Variants in RBM7 observed in about 807,000 individuals in gnomAD.
RBM7 encodes the protein RNA-binding protein 7.
Under a neutral mutation model 31.0 loss-of-function variants are expected in RBM7, and 13 were observed. The observed-to-expected ratio is 0.42, with a 90% CI of 0.27 to 0.67. The LOEUF (loss-of-function observed/expected upper bound fraction) is 0.67. Among genes scored for constraint, RBM7 ranks in the 30% least tolerant of loss-of-function variants. The pLI is 0.24. For missense variants in RBM7, 245 were observed against 326.2 expected (o/e 0.75, Z 1.92); for synonymous variants, 106 against 111.2 (o/e 0.95, Z 0.30).
intron 2 of RBM7, among the ~76,000 whole-genome samples, chr11:114,402,379 ATTCTTTTTTTTTTT>A (rs1946214685): frequency 3.5e-5 from 3 of 85,472 alleles, no homozygotes; most frequent in Non-Finnish European, 4.7e-5. Flanking sequence ...GCAGCTTGAG[ATTCTTTTTTTTTTT>A]TTTTTTTTTT....
intron 3 of RBM7, among the ~76,000 whole-genome samples, chr11:114,404,719 G>T: frequency 6.6e-6 from 1 of 151,060 alleles, no homozygotes; most frequent in Non-Finnish European, 1.5e-5. Flanking sequence ...TAAATACTTT[G>T]GTTTTAATCA....
chr11:114,403,444 A>G (rs1247597845), intron 3 of RBM7, among the ~76,000 whole-genome samples: 1 of 152,174 alleles, frequency 6.6e-6, no homozygotes. Flanking sequence ...CCCATGTGTA[A>G]GGAAAATAAG....
chr11:114,405,016 A>G (rs567564879), intron 3 of RBM7, among the ~76,000 whole-genome samples: 1 of 151,780 alleles, frequency 6.6e-6, no homozygotes, highest in African/African-American at 2.4e-5. Context: ...CTTACCTCCC[A>G]AAACCTCTTT....
chr11:114,400,827 G>A (rs1305753078), intron 1 of RBM7, 60 bp downstream of exon 1: 3 of 1,586,772 alleles, frequency 1.9e-6, no homozygotes, highest in Non-Finnish European at 2.6e-6. Context: ...GGCCTGGCCA[G>A]CGGCCACCCC....
chr11:114,400,777 T>G lies in RBM7; in HGVS notation c.96+10T>G, dbSNP rs776198986. ...CGAGCTTTTCCACCAGGTAAGCGGC[T>G]GGGTTCGGCCCTTTGCCTTTCGTTT... On this transcript the variant is annotated intron_variant, in intron 1 of 4. Coordinates refer to ENST00000375490, the MANE Select transcript of RBM7 (RefSeq NM_001286045.2). 1 of 1,614,208 alleles carries G rather than the reference T, an allele frequency of 6.2e-7. No individual in the cohort carries two copies.
chr11:114,402,382 C>CTTTTTTTTTTT lies in RBM7; in HGVS notation c.260-417_260-407dup, dbSNP rs71063570. ...AAGCGGTCTACAGCAGCTTGAGATT[C>CTTTTTTTTTTT]TTTTTTTTTTTTTTTTTTTTTTTTT... On this transcript the variant is annotated intron_variant, in intron 2 of 4. Transcript: ENST00000375490. Among the ~76,000 whole-genome samples the CTTTTTTTTTTT allele has an allele frequency of 4.0e-5, 2 of 50,162 alleles. 1 individual carries two copies. 32.9% of individuals were successfully genotyped at this position (50,162 alleles called of 152,430 possible).
chr11:114,402,693 C>T, intron 2 of RBM7, 135 bp from the exon 3 acceptor site: 2 of 733,198 alleles, frequency 2.7e-6, no homozygotes, highest in South Asian at 3.5e-5. Flanking sequence ...GCGTCAGCCA[C>T]CGCGCCCGGC....
chr11:114,405,120 T>G lies in RBM7; in HGVS notation c.348-586T>G, dbSNP rs374099782. 4.6e-5 allele frequency among the ~76,000 whole-genome samples: 7 copies of G among 152,236 alleles called. No homozygotes were observed. The East Asian group carries it at 1.3e-3, about 29-fold the overall frequency. On this transcript the variant is annotated intron_variant, in intron 3 of 4. Transcript: ENST00000375490. ...TCCCTCATTCCACATATCCAGTCGA[T>G]CAAATTCTTTTCATTTTAGTTTTCA...
chr11:114,400,768 G>A lies in RBM7; in HGVS notation c.96+1G>A. 6.2e-7 allele frequency: 1 copy of A among 1,614,192 alleles called. No individual in the cohort carries two copies. Among genetic ancestry groups the A allele is most frequent in the Non-Finnish European group, 8.5e-7 (1 of 1,180,024 alleles). ...GCTCCTTTTCGAGCTTTTCCACCAG[G>A]TAAGCGGCTGGGTTCGGCCCTTTGC... On this transcript the variant is annotated splice_donor_variant, in intron 1 of 4. Transcript: ENST00000375490. LOFTEE classifies it high-confidence loss of function.
intron 4 of RBM7, 196 bp downstream of exon 4, chr11:114,405,995 T>C: frequency 1.0e-5 from 5 of 495,796 alleles, no homozygotes; most frequent in Non-Finnish European, 1.8e-5. Flanking sequence ...ATTTGTAGAT[T>C]GAGCACTCAT....
chr11:114,403,427 C>T (rs908972046), intron 3 of RBM7, among the ~76,000 whole-genome samples: 14 of 152,062 alleles, frequency 9.2e-5, no homozygotes, highest in African/African-American at 3.4e-4. Context: ...TTCTTTAGTC[C>T]CGTCTTCCCA....
In RBM7 at chr11:114,402,696, C is replaced by T. The variant is rs556614644; in HGVS notation, c.260-132C>T. The T allele has an allele frequency of 8.2e-4, 616 of 754,864 alleles. 10 individuals carry two copies. In the South Asian group the frequency reaches 9.5e-3, roughly 12 times the overall value. 46.8% of individuals were successfully genotyped at this position (754,864 alleles called of 1,614,324 possible). Reference sequence around the variant, plus strand: ...CTGGGATTACAGGCGTCAGCCACCGCGCCCGGCCAGTAGTTTGAGATTTTT... The same window carrying T: ...CTGGGATTACAGGCGTCAGCCACCGTGCCCGGCCAGTAGTTTGAGATTTTT... On this transcript the variant is annotated intron_variant, in intron 2 of 4. Coordinates refer to ENST00000375490, the MANE Select transcript of RBM7 (RefSeq NM_001286045.2).
chr11:114,400,740 G>T lies in RBM7; in HGVS notation c.69G>T (p.Glu23Asp). The T allele has an allele frequency of 6.2e-7, 1 of 1,614,234 alleles. No homozygotes were observed. The highest frequency in any genetic ancestry group is 8.5e-7 in the Non-Finnish European group (1 of 1,180,044). The change falls in exon 1 of 5, where the codon GAG becomes GAT. Residue 23 changes from glutamate (E) to aspartate (D), a missense_variant. Physicochemically the swap from Glu to Asp is conservative, Grantham distance 45. Transcript: ENST00000375490. Reference sequence around the variant, plus strand: ...GCAACCTTGAAACGAAAGTGACCGAGGAGCTCCTTTTCGAGCTTTTCCACC... The same window carrying T: ...GCAACCTTGAAACGAAAGTGACCGATGAGCTCCTTTTCGAGCTTTTCCACC... Reference protein sequence around the residue: ...FVGNLETKVTEELLFELFHQA... With the variant: ...FVGNLETKVTDELLFELFHQA...
intron 1 of RBM7, 127 bp downstream of exon 1, chr11:114,400,894 C>G (rs1946190434): frequency 9.1e-7 from 1 of 1,097,412 alleles, no homozygotes. Context: ...GGGTGAAAGG[C>G]GGGTCTGGGT....
Position 114,407,775 on chromosome 11 carries a change from A to G in RBM7, c.772A>G (p.Arg258Gly). The change falls in exon 5 of 5, where the codon AGA (arginine) becomes GGA (glycine). Residue 258 changes from arginine (R) to glycine (G), a missense_variant. By Grantham distance (125) the Arg-to-Gly change is moderately radical. Transcript: ENST00000375490. ...CTATGATAACAGAAGAGACAGTAGT[A>G]GAGATGGAAAATGGCGCTCATCTCG... ...HDYDNRRDSS[R>G]DGKWRSSRH 6.2e-7 allele frequency: 1 copy of G among 1,611,142 alleles called. No homozygotes were observed.
chr11:114,407,907 CA>C lies in RBM7; in HGVS notation c.*102del. On this transcript the variant is annotated 3_prime_UTR_variant, in exon 5 of 5. Transcript: ENST00000375490. ...TGAAAAACTGTACAGAGCAGCTTTACAAGTTGTCACATTTCTTTATAAATTT... is the reference window on the plus strand; with the variant it reads ...TGAAAAACTGTACAGAGCAGCTTTACAGTTGTCACATTTCTTTATAAATTT... 7.6e-7 allele frequency: 1 copy of C among 1,310,446 alleles called. No individual in the cohort carries two copies. The highest frequency in any genetic ancestry group is 1.0e-6 in the Non-Finnish European group (1 of 984,546). The allele number at this position is 1,310,446 out of a possible 1,614,324, so 81.2% of individuals were successfully genotyped here.
Position 114,401,816 on chromosome 11 carries a change from G to A in RBM7, c.215G>A (p.Gly72Glu). ...CCTTATGCAATGAATCTACTTAATG[G>A]AATCAAACTTTATGGAAGGCCTATC... is the stretch of plus-strand genomic sequence containing the variant. ...SVPYAMNLLN[G>E]IKLYGRPIKI... is the part of the protein sequence containing the mutation. Residue 72 changes from glycine to glutamate, a missense_variant, in exon 2 of 5, where the codon GGA (glycine) becomes GAA (glutamate). By Grantham distance (98) the Gly-to-Glu change is moderately conservative. Transcript: ENST00000375490. 6.3e-7 allele frequency: 1 copy of A among 1,590,854 alleles called. No homozygotes were observed. Among genetic ancestry groups the A allele is most frequent in the Non-Finnish European group, 8.5e-7 (1 of 1,172,114 alleles).
intron 4 of RBM7, chr11:114,406,064 A>G: frequency 6.1e-6 from 2 of 329,764 alleles, no homozygotes; most frequent in Non-Finnish European, 1.1e-5. Context: ...TAGAAGTAAA[A>G]CTGCTTTTAC....
chr11:114,407,126 G>A (rs1381600631), intron 4 of RBM7: 1 of 213,750 alleles, frequency 4.7e-6, no homozygotes, highest in African/African-American at 2.3e-5. Context: ...TTAATACCCA[G>A]ATCATATGCC....
Sources: allele counts gnomAD v4.1 joint callset (sites outside exome capture counted in the v4.1 genomes callset), GRCh38; gene constraint gnomAD v4.1.1; transcripts MANE v1.5; gene names NCBI Gene and HGNC (gene_info 2026-07-23, HGNC 2026-07-21).